Variants in TENT4A observed in about 807,000 individuals in gnomAD.
The protein encoded by TENT4A is terminal nucleotidyltransferase 4A.
TENT4A carries 7 observed loss-of-function variants against 72.8 expected under a neutral mutation model. That is an observed-to-expected ratio of 0.10 (90% CI 0.05 to 0.18). TENT4A has a LOEUF of 0.18. TENT4A is among the 10% of genes least tolerant of loss of function. The pLI is 1.00. For missense variants in TENT4A, 831 were observed against 1,017.7 expected (o/e 0.82, Z 2.50); for synonymous variants, 456 against 434.3 (o/e 1.05, Z -0.62).
At position 6,754,709 on chromosome 5, in the gene TENT4A, C is replaced by T. The variant is rs1313814705; in HGVS notation, c.2185-42C>T. The T allele has an allele frequency of 3.3e-6, 5 of 1,497,528 alleles. No homozygotes were observed. The African/African-American group carries it at 5.5e-5, about 17-fold the overall frequency. The allele number at this position is 1,497,528 out of a possible 1,614,324, so 92.8% of individuals were successfully genotyped here. A position where few individuals can be genotyped will look rare whatever the true frequency, so the allele number is the denominator to read the frequency against. On this transcript the variant is annotated intron_variant, in intron 12 of 12. Coordinates refer to ENST00000230859, the MANE Select transcript of TENT4A (RefSeq NM_006999.6). ...CTGCCCGAGGACGTGGGCATTGTGC[C>T]TGCTGTCTGGCTCCAACACTGCTGT...
Position 6,713,872 on chromosome 5 carries a change from G to C in TENT4A, c.-112G>C. ...CGCCGCCGCCGCCGCCGCCGCCACC[G>C]GCCCAGGCCCGTCCGTCCGTCCGTG... On this transcript the variant is annotated 5_prime_UTR_variant, in exon 1 of 13. Transcript: ENST00000230859. 1 of 211,722 alleles carries C rather than the reference G, an allele frequency of 4.7e-6. No individual in the cohort carries two copies. The highest frequency in any genetic ancestry group is 7.9e-6 in the Non-Finnish European group (1 of 126,340). 13.1% of individuals were successfully genotyped at this position (211,722 alleles called of 1,614,324 possible).
rs536931204 is a variant in TENT4A at position 6,717,905 on chromosome 5, G to A, written c.716+3206G>A. ...AAGAGTCTTGCATAAGTGAGAGTGG[G>A]AGCATGGCCCTCAGATATTTGGCCA... On this transcript the variant is annotated intron_variant, in intron 1 of 12. Coordinates refer to ENST00000230859, the MANE Select transcript of TENT4A (RefSeq NM_006999.6). Among the ~76,000 whole-genome samples the A allele has an allele frequency of 2.6e-5, 4 of 152,192 alleles. No individual in the cohort carries two copies. In the South Asian group the frequency reaches 8.3e-4, roughly 31 times the overall value.
intron 10 of TENT4A, 128 bp from the exon 11 acceptor site, chr5:6,750,911 G>T: frequency 2.0e-6 from 2 of 1,020,948 alleles, no homozygotes; most frequent in Non-Finnish European, 2.9e-6. Flanking sequence ...CTGTTCAGAA[G>T]TTAGACTTAA....
At chr5:6,738,164 T>C (rs1424434811) in intron 2 of TENT4A, among the ~76,000 whole-genome samples, 2 of 152,136 alleles carry the variant, frequency 1.3e-5, no homozygotes, top group Non-Finnish European at 2.9e-5. Flanking sequence ...GCGTGAAGCC[T>C]GCCCCTGGCC....
chr5:6,736,326 G>A (rs764912473), intron 1 of TENT4A, among the ~76,000 whole-genome samples: 1 of 152,212 alleles, frequency 6.6e-6, no homozygotes, highest in Non-Finnish European at 1.5e-5. Flanking sequence ...GTAGGCTGAT[G>A]CAGGGCCACT....
At position 6,756,659 on chromosome 5, in the gene TENT4A, T is replaced by G. The variant is rs1403804975; in HGVS notation, c.*1714T>G. 1 of 152,548 alleles carries G rather than the reference T, an allele frequency of 6.6e-6. No individual in the cohort carries two copies. The highest frequency in any genetic ancestry group is 1.5e-5 in the Non-Finnish European group (1 of 68,038). 9.4% of individuals were successfully genotyped at this position (152,548 alleles called of 1,614,324 possible). A position where few individuals can be genotyped will look rare whatever the true frequency, so the allele number is the denominator to read the frequency against. On this transcript the variant is annotated 3_prime_UTR_variant, in exon 13 of 13. Coordinates refer to ENST00000230859, the MANE Select transcript of TENT4A (RefSeq NM_006999.6). ...TGCAGTTCTCGATGACCGAAAGTTA[T>G]CAAAAATATTTAAAATATTTAAATT...
In TENT4A at chr5:6,753,015, C is replaced by T. The variant is rs773607777; in HGVS notation, c.2162C>T (p.Ser721Leu). The change falls in exon 12 of 13, where the codon TCG becomes TTG. Residue 721 changes from serine to leucine, a missense_variant. By Grantham distance (145) the Ser-to-Leu change is moderately radical (BLOSUM62 -2). Transcript: ENST00000230859. ...CCCTCAGCGTCCCCCAACCCGCTCT[C>T]GAGCCCTCATCTGTATCATAAGGTA... ...AIPSASPNPLSSPHLYHKQHN... is the reference protein window; with the variant it reads ...AIPSASPNPLLSPHLYHKQHN... 2.6e-5 allele frequency: 42 copies of T among 1,614,046 alleles called. 1 individual carries two copies. The highest frequency in any genetic ancestry group is 3.3e-5 in the Admixed American group (2 of 60,002).
intron 10 of TENT4A, 199 bp from the exon 11 acceptor site, chr5:6,750,840 T>C (rs749673285): frequency 3.4e-6 from 2 of 595,498 alleles, no homozygotes; most frequent in Middle Eastern, 4.4e-4. Flanking sequence ...GTATTTCCTT[T>C]AACATTCTTT....
rs1741236167 is a variant in TENT4A, at chr5:6,731,950, G to C, written c.717-5560G>C. On this transcript the variant is annotated intron_variant, in intron 1 of 12. Transcript: ENST00000230859. Reference sequence around the variant, plus strand: ...CCAGCCCCACTGTTCTTTCTAAAGTGTTTTATTTTACATACGCTGTCCTGG... The same window carrying C: ...CCAGCCCCACTGTTCTTTCTAAAGTCTTTTATTTTACATACGCTGTCCTGG... Among the ~76,000 whole-genome samples, 3 of 152,196 alleles carry C rather than the reference G, an allele frequency of 2.0e-5. No homozygotes were observed. The South Asian group carries it at 6.2e-4, about 31-fold the overall frequency.
At chr5:6,732,096 T>G (rs1741243997) in intron 1 of TENT4A, among the ~76,000 whole-genome samples, 1 of 152,202 alleles carries the variant, frequency 6.6e-6, no homozygotes, top group East Asian at 1.9e-4. Context: ...ACTTAGAAAT[T>G]GTGACTTTTG....
At chr5:6,729,815 G>C (rs1347529656) in intron 1 of TENT4A, among the ~76,000 whole-genome samples, 1 of 152,102 alleles carries the variant, frequency 6.6e-6, no homozygotes, top group East Asian at 1.9e-4. Flanking sequence ...TTAAGCAGGT[G>C]GGGTGCCTCC....
rs1321219372 is a variant in TENT4A at position 6,752,882 on chromosome 5, A to C, written c.2029A>C (p.Thr677Pro). 4 of 1,613,338 alleles carry C rather than the reference A, an allele frequency of 2.5e-6. No homozygotes were observed. Among genetic ancestry groups the C allele is most frequent in the Non-Finnish European group, 3.4e-6 (4 of 1,179,502 alleles). The change falls in exon 12 of 13, where the codon ACT becomes CCT. Residue 677 changes from threonine (T) to proline (P), a missense_variant. Transcript: ENST00000230859. Reference sequence around the variant, plus strand: ...CTCATTTTGTTCCTAGACCAGGTTTACTATACCTCCACCGACCCTAGGGGT... The same window carrying C: ...CTCATTTTGTTCCTAGACCAGGTTTCCTATACCTCCACCGACCCTAGGGGT... The part of the protein sequence containing the change: ...IMTTNNQTRF[T>P]IPPPTLGVAP...
intron 4 of TENT4A, among the ~76,000 whole-genome samples, chr5:6,740,404 C>T (rs931109528): frequency 6.6e-6 from 1 of 152,178 alleles, no homozygotes; most frequent in Non-Finnish European, 1.5e-5. Flanking sequence ...TATAAGCCCC[C>T]CAGGGACTAT....
intron 1 of TENT4A, among the ~76,000 whole-genome samples, chr5:6,732,856 C>G (rs927047700): frequency 6.6e-6 from 1 of 152,172 alleles, no homozygotes; most frequent in African/African-American, 2.4e-5. Flanking sequence ...GGGGCTGGAG[C>G]CTTGCTAATG....
intron 1 of TENT4A, among the ~76,000 whole-genome samples, chr5:6,723,193 C>T (rs913322437): frequency 5.9e-5 from 9 of 152,138 alleles, no homozygotes; most frequent in African/African-American, 1.7e-4. Flanking sequence ...TTCAAAAAGC[C>T]GCTGTTTTAA....
At chr5:6,737,484 A>G (rs1223586760) in intron 1 of TENT4A, 26 bp from the exon 2 acceptor site, 1 of 1,583,136 alleles carries the variant, frequency 6.3e-7, no homozygotes, top group Non-Finnish European at 8.6e-7. Flanking sequence ...TTGTAACTCT[A>G]GTATGTTTTC....
At chr5:6,737,901 T>C (rs540229813) in intron 2 of TENT4A, among the ~76,000 whole-genome samples, 291 of 145,012 alleles carry the variant, frequency 2.0e-3, no homozygotes, top group African/African-American at 6.9e-3. Context: ...GGCTGAGGGA[T>C]TTGTTGGGTT....
At chr5:6,723,105 A>G (rs1740742480) in intron 1 of TENT4A, among the ~76,000 whole-genome samples, 1 of 152,264 alleles carries the variant, frequency 6.6e-6, no homozygotes, top group African/African-American at 2.4e-5. Context: ...AACTCATACA[A>G]CAGTAAAAGC....
chr5:6,719,042 TGCTGTGAGC>T (rs1740522986), intron 1 of TENT4A, among the ~76,000 whole-genome samples: 1 of 152,230 alleles, frequency 6.6e-6, no homozygotes, highest in African/African-American at 2.4e-5. Flanking sequence ...TCTGTCTTGC[TGCTGTGAGC>T]GTGTGATGGA....
Sources: allele counts gnomAD v4.1 joint callset (sites outside exome capture counted in the v4.1 genomes callset), GRCh38; gene constraint gnomAD v4.1.1; transcripts MANE v1.5; gene names NCBI Gene and HGNC (gene_info 2026-07-23, HGNC 2026-07-21).